CCDC171: variants seen among roughly 807,000 people sequenced by gnomAD.
CCDC171 encodes coiled-coil domain containing 171, also known as coiled-coil domain-containing protein 171.
In CCDC171, 177 loss-of-function variants were observed where a neutral mutation model predicts 168.2. The observed-to-expected ratio is 1.05, with a 90% CI of 0.93 to 1.19. CCDC171 has a LOEUF of 1.19. Among genes scored for constraint, CCDC171 ranks in the 50% most tolerant of loss-of-function variants. The probability of loss-of-function intolerance (pLI) is 0.00; values close to 1 mark genes in which losing one functional copy is unlikely to be tolerated. For missense variants in CCDC171, 1,991 were observed against 1,539.0 expected, an observed-to-expected ratio of 1.29 and a Z score of -4.91; for synonymous variants, 687 against 540.8, an observed-to-expected ratio of 1.27 and a Z score of -3.75.
intron 3 of CCDC171, among the ~76,000 whole-genome samples, chr9:15,991,967 C>T (rs1000826501): frequency 6.6e-6 from 1 of 152,172 alleles, no homozygotes; most frequent in African/African-American, 2.4e-5. Flanking sequence ...AGTCCGGGAT[C>T]AGGTGGATTC....
chr9:16,084,886 T>A, the CCDC171 span, among the ~76,000 whole-genome samples: 1 of 152,208 alleles, frequency 6.6e-6, no homozygotes, highest in Non-Finnish European at 1.5e-5. Context: ...AGTCCAGGGT[T>A]CCAATCCAAA....
At chr9:15,611,076 A>G (rs1273746458) in intron 6 of CCDC171, among the ~76,000 whole-genome samples, 2 of 152,054 alleles carry the variant, frequency 1.3e-5, no homozygotes, top group Non-Finnish European at 2.9e-5. Flanking sequence ...CATAGTAGTG[A>G]ATGAGCTCCA....
At chr9:15,654,570 A>T (rs2047773643) in intron 7 of CCDC171, among the ~76,000 whole-genome samples, 1 of 152,168 alleles carries the variant, frequency 6.6e-6, no homozygotes. Flanking sequence ...TTTCATTGTG[A>T]TCCATTACCA....
chr9:15,553,310 C>T lies in CCDC171; in HGVS notation c.-112+8C>T, dbSNP rs759749400. ...TCACGCGAGACCCCTGAGGTAACCG[C>T]ACGGTGTGGGGGCTTCGAGGCGGAC... On this transcript the variant is annotated splice_region_variant and intron_variant, in intron 1 of 25. Transcript: ENST00000380701. The T allele has an allele frequency of 1.3e-5, 2 of 152,210 alleles. No homozygotes were observed. The highest frequency in any genetic ancestry group is 2.9e-5 in the Non-Finnish European group (2 of 68,226). 9.4% of individuals were successfully genotyped at this position (152,210 alleles called of 1,614,324 possible). A position where few individuals can be genotyped will look rare whatever the true frequency, so the allele number is the denominator to read the frequency against.
intron 9 of CCDC171, among the ~76,000 whole-genome samples, chr9:15,672,889 A>C (rs1376550377): frequency 6.6e-6 from 1 of 152,192 alleles, no homozygotes; most frequent in Non-Finnish European, 1.5e-5. Context: ...CAGTTCTGTG[A>C]AGAAAGTCAT....
intron 1 of CCDC171, 39 bp downstream of exon 1, chr9:15,553,341 G>C (rs1320954364): frequency 6.6e-6 from 1 of 152,516 alleles, no homozygotes; most frequent in Non-Finnish European, 1.5e-5. Flanking sequence ...CGGACGACTT[G>C]GGAGGGAGGT....
chr9:15,741,295 T>C (rs985165076), intron 16 of CCDC171, among the ~76,000 whole-genome samples: 5 of 152,172 alleles, frequency 3.3e-5, no homozygotes, highest in African/African-American at 1.2e-4. Flanking sequence ...TCCTTATTCC[T>C]TCTTCTCCTC....
At chr9:15,994,958 A>G (rs1832325493) in intron 3 of CCDC171, among the ~76,000 whole-genome samples, 1 of 152,204 alleles carries the variant, frequency 6.6e-6, no homozygotes, top group Admixed American at 6.5e-5. Context: ...TGACCACCTT[A>G]TGTATCATCA....
At chr9:16,054,714 A>G (rs965552054) in intron 1 of CCDC171, among the ~76,000 whole-genome samples, 1 of 152,216 alleles carries the variant, frequency 6.6e-6, no homozygotes, top group Non-Finnish European at 1.5e-5. Flanking sequence ...TTTGATGGAG[A>G]GAGTCCTTGC....
At chr9:15,902,081 G>A (rs1401063768) in intron 24 of CCDC171, among the ~76,000 whole-genome samples, 2 of 152,024 alleles carry the variant, frequency 1.3e-5, no homozygotes, top group Admixed American at 6.6e-5. Flanking sequence ...CTAGCTAGAA[G>A]ATATTAAACA....
intron 9 of CCDC171, among the ~76,000 whole-genome samples, chr9:15,670,452 T>C (rs1305653063): frequency 1.3e-5 from 2 of 152,190 alleles, no homozygotes; most frequent in Non-Finnish European, 2.9e-5. Context: ...CTCTCTACTA[T>C]CAGTTTCTAC....
At chr9:15,595,096 A>G (rs2042245303) in intron 6 of CCDC171, among the ~76,000 whole-genome samples, 1 of 152,174 alleles carries the variant, frequency 6.6e-6, no homozygotes, top group Admixed American at 6.6e-5. Flanking sequence ...CTCACAAACA[A>G]CTTTGTAACA....
At chr9:15,657,523 C>G (rs1453055692) in intron 8 of CCDC171, among the ~76,000 whole-genome samples, 1 of 152,138 alleles carries the variant, frequency 6.6e-6, no homozygotes, top group Non-Finnish European at 1.5e-5. Context: ...ACCTGGCAGT[C>G]TGCAAAGAAA....
At chr9:15,625,173 T>C (rs1322259579) in intron 7 of CCDC171, among the ~76,000 whole-genome samples, 2 of 152,208 alleles carry the variant, frequency 1.3e-5, no homozygotes, top group African/African-American at 2.4e-5. Flanking sequence ...GTTTGATTTT[T>C]TCTTGTAAAT....
downstream of CCDC171, among the ~76,000 whole-genome samples, chr9:16,065,889 T>A (rs1416770325): frequency 2.0e-5 from 3 of 151,600 alleles, no homozygotes; most frequent in Non-Finnish European, 4.4e-5. Flanking sequence ...AAAAACAGTA[T>A]CTCCTGTGAC....
the CCDC171 span, among the ~76,000 whole-genome samples, chr9:16,093,758 C>T: frequency 6.6e-6 from 1 of 152,260 alleles, no homozygotes; most frequent in East Asian, 1.9e-4. Context: ...GACAAGCATG[C>T]CAGCTAACCA....
intron 10 of CCDC171, among the ~76,000 whole-genome samples, chr9:15,690,199 T>G (rs2050691843): frequency 6.6e-6 from 1 of 152,212 alleles, no homozygotes; most frequent in African/African-American, 2.4e-5. Context: ...ATTGTGGATA[T>G]GCTTGTACAA....
chr9:15,744,426 G>T lies in CCDC171; in HGVS notation c.2203G>T (p.Ala735Ser), dbSNP rs968104889. 1.5e-5 allele frequency: 25 copies of T among 1,614,130 alleles called. No individual in the cohort carries two copies. Among genetic ancestry groups the T allele is most frequent in the East Asian group, 2.2e-5 (1 of 44,874 alleles). ...MSLLAACALM[A>S]GALYPLYSRS... is the part of the protein sequence containing the mutation. ...CTTGCTGGCAGCCTGTGCATTAATG[G>T]CTGGTGCCTTATATCCCCTCTATAG... The change falls in exon 17 of 26, where the codon GCT becomes TCT. Residue 735 changes from alanine to serine, a missense_variant. Physicochemically the swap from Ala to Ser is moderately conservative, Grantham distance 99 (BLOSUM62 1). Coordinates refer to ENST00000380701, the MANE Select transcript of CCDC171 (RefSeq NM_173550.4).
At chr9:15,725,781 T>C (rs1464940723) in intron 14 of CCDC171, among the ~76,000 whole-genome samples, 1 of 152,154 alleles carries the variant, frequency 6.6e-6, no homozygotes, top group Non-Finnish European at 1.5e-5. Flanking sequence ...AGTAATAATA[T>C]CTACTTTAAG....
Sources: allele counts gnomAD v4.1 joint callset (sites outside exome capture counted in the v4.1 genomes callset), GRCh38; gene constraint gnomAD v4.1.1; transcripts MANE v1.5; gene names NCBI Gene and HGNC (gene_info 2026-07-23, HGNC 2026-07-21).